ECM2: variants seen among roughly 807,000 people sequenced by gnomAD.
ECM2 encodes extracellular matrix protein 2.
A neutral mutation model predicts 67.5 loss-of-function variants in ECM2; 57 were observed. The ratio of observed to expected loss-of-function variants is 0.84; its 90% CI spans 0.68 to 1.05. The LOEUF (loss-of-function observed/expected upper bound fraction) is 1.05, where lower values mean the gene tolerates loss of function less well. Ranked by LOEUF, ECM2 falls within the 50% of genes least tolerant of loss-of-function variation. The pLI, the probability that ECM2 is intolerant of heterozygous loss-of-function variation, is 0.00. For synonymous variants in ECM2, 258 were observed against 294.5 expected, an observed-to-expected ratio of 0.88 and a Z score of 1.27; for missense variants, 741 against 822.8, an observed-to-expected ratio of 0.90 and a Z score of 1.22.
intron 4 of ECM2, among the ~76,000 whole-genome samples, 195 bp downstream of exon 4, chr9:92,514,436 G>A (rs1464691950): frequency 4.0e-5 from 6 of 151,798 alleles, no homozygotes; most frequent in African/African-American, 4.8e-5. Flanking sequence ...CACCACGCCC[G>A]GCTAATTTTT....
chr9:92,505,818 T>C (rs1204097527), intron 6 of ECM2, 128 bp from the exon 7 acceptor site: 1 of 706,504 alleles, frequency 1.4e-6, no homozygotes, highest in East Asian at 2.8e-5. Context: ...TTTAAACCTT[T>C]GTATCCTCCT....
Position 92,500,632 on chromosome 9 carries a change from C to G in ECM2, c.1931+95G>C, listed in dbSNP as rs547635851. The G allele has an allele frequency of 2.4e-5, 31 of 1,300,788 alleles. No homozygotes were observed. The South Asian group carries it at 4.4e-4, about 18-fold the overall frequency. 80.6% of individuals were successfully genotyped at this position (1,300,788 alleles called of 1,614,324 possible). A position where few individuals can be genotyped will look rare whatever the true frequency, so the allele number is the denominator to read the frequency against. On this transcript the variant is annotated intron_variant, in intron 9 of 9. Coordinates refer to ENST00000344604, the MANE Select transcript of ECM2 (RefSeq NM_001393.4). ...AACCCCTTAGCACCATTTTTTTTTCCCTTAACGTAAATCCCAGAGATCATG... is the reference window on the plus strand; with the variant it reads ...AACCCCTTAGCACCATTTTTTTTTCGCTTAACGTAAATCCCAGAGATCATG...
At chr9:92,493,915 T>C, downstream of ECM2, 1 of 486,780 alleles carries the variant, frequency 2.1e-6, no homozygotes. Flanking sequence ...ACAGTGCGTC[T>C]GCTCCACAGG....
intron 4 of ECM2, among the ~76,000 whole-genome samples, chr9:92,513,671 G>A (rs1026588840): frequency 6.6e-6 from 1 of 152,224 alleles, no homozygotes; most frequent in Non-Finnish European, 1.5e-5. Flanking sequence ...TTAGAAGCCA[G>A]TCTGAAAGGG....
chr9:92,549,982 T>TGAAGTCGCAGGTAACTAAAACA, the ECM2 span, among the ~76,000 whole-genome samples: 1 of 152,178 alleles, frequency 6.6e-6, no homozygotes, highest in African/African-American at 2.4e-5. Flanking sequence ...AGCCTTCCCT[T>TGAAGTCGCAGGTAACTAAAACA]GAAGTCGCAG....
chr9:92,502,535 G>A lies in ECM2; in HGVS notation c.1582C>T (p.Pro528Ser). 2.5e-6 allele frequency: 4 copies of A among 1,612,788 alleles called. No homozygotes were observed. The highest frequency in any genetic ancestry group is 2.5e-6 in the Non-Finnish European group (3 of 1,179,506). The change falls in exon 8 of 10, where the codon CCT becomes TCT. Residue 528 changes from proline (P) to serine (S), a missense_variant. Pro to Ser is a moderately conservative substitution (Grantham distance 74). Coordinates refer to ENST00000344604, the MANE Select transcript of ECM2 (RefSeq NM_001393.4). ...YNKIEENRIA[P>S]LAWINQENLE... is the part of the protein sequence containing the mutation. ...TACTCTTGATTTATCCAGGCTAAAG[G>A]AGCAATCCTATTTTCTTCAATTTTG... is the stretch of plus-strand genomic sequence containing the variant.
At chr9:92,553,471 C>T in the ECM2 span, among the ~76,000 whole-genome samples, 2 of 151,982 alleles carry the variant, frequency 1.3e-5, no homozygotes, top group African/African-American at 4.8e-5. Context: ...GTGGGGATTG[C>T]GTTGAATTTG....
intron 2 of ECM2, 41 bp from the exon 3 acceptor site, chr9:92,517,916 A>G: frequency 6.2e-7 from 1 of 1,609,874 alleles, no homozygotes; most frequent in Non-Finnish European, 8.5e-7. Context: ...TTCTTATGTG[A>G]TTATCAGTAA....
chr9:92,555,003 TTTGTTG>T, the ECM2 span, among the ~76,000 whole-genome samples: 1,551 of 149,814 alleles, frequency 0.01, 9 homozygotes, highest in East Asian at 0.021. Flanking sequence ...GTCTGTATTG[TTTGTTG>T]TTGTTGTTGT....
chr9:92,547,667 T>C, the ECM2 span, among the ~76,000 whole-genome samples: 3 of 152,198 alleles, frequency 2.0e-5, no homozygotes, highest in Non-Finnish European at 4.4e-5. Flanking sequence ...GGTAAGAAGA[T>C]AGGGAATGAC....
At chr9:92,518,963 G>T (rs1008174300) in intron 2 of ECM2, among the ~76,000 whole-genome samples, 15 of 152,160 alleles carry the variant, frequency 9.9e-5, no homozygotes, top group Non-Finnish European at 1.6e-4. Flanking sequence ...TTGTAGATAT[G>T]TGGATAAGTG....
the ECM2 span, among the ~76,000 whole-genome samples, chr9:92,558,945 C>G: frequency 2.0e-5 from 3 of 152,026 alleles, no homozygotes; most frequent in Non-Finnish European, 4.4e-5. Flanking sequence ...TCACCCAGTT[C>G]CCACGCAAAC....
chr9:92,496,181 T>C lies in ECM2; in HGVS notation c.*134A>G. Reference sequence around the variant, plus strand: ...GGTATATTTTGGTTGTTCATCTGTGTGTTAGTGAATCAGGTTGACTAGCAT... The same window carrying C: ...GGTATATTTTGGTTGTTCATCTGTGCGTTAGTGAATCAGGTTGACTAGCAT... On this transcript the variant is annotated 3_prime_UTR_variant, in exon 10 of 10. Coordinates refer to ENST00000344604, the MANE Select transcript of ECM2 (RefSeq NM_001393.4). 1 of 1,391,910 alleles carries C rather than the reference T, an allele frequency of 7.2e-7. No individual in the cohort carries two copies. Among genetic ancestry groups the C allele is most frequent in the South Asian group, 1.7e-5 (1 of 57,932 alleles). 86.2% of individuals were successfully genotyped at this position (1,391,910 alleles called of 1,614,324 possible). A position where few individuals can be genotyped will look rare whatever the true frequency, so the allele number is the denominator to read the frequency against.
intron 6 of ECM2, among the ~76,000 whole-genome samples, chr9:92,508,023 C>G (rs1195248841): frequency 2.6e-5 from 4 of 152,188 alleles, no homozygotes; most frequent in African/African-American, 9.6e-5. Context: ...CTCCTTCCCC[C>G]TCTCTGGAGC....
Position 92,515,050 on chromosome 9 carries a change from T to A in ECM2, c.635A>T (p.Gln212Leu). The change falls in exon 4 of 10, where the codon CAA (glutamine) becomes CTA (leucine). Residue 212 changes from glutamine to leucine, a missense_variant. Physicochemically the swap from Gln to Leu is moderately radical, Grantham distance 113 (BLOSUM62 -2). Coordinates refer to ENST00000344604, the MANE Select transcript of ECM2 (RefSeq NM_001393.4). ...MDRIVRKEALQSEEDEEVKEE... is the reference protein window; with the variant it reads ...MDRIVRKEALLSEEDEEVKEE... ...TTTCACTTCTTCATCCTCCTCAGAT[T>A]GAAGTGCTTCTTTTCTTACTATTCG... 1.2e-6 allele frequency: 2 copies of A among 1,614,162 alleles called. No homozygotes were observed. Among genetic ancestry groups the A allele is most frequent in the Non-Finnish European group, 8.5e-7 (1 of 1,180,028 alleles).
the ECM2 span, among the ~76,000 whole-genome samples, chr9:92,557,817 A>G: frequency 6.6e-6 from 1 of 151,652 alleles, no homozygotes; most frequent in Non-Finnish European, 1.5e-5. Flanking sequence ...TAATTTTTGT[A>G]TTTTTTTAGT....
chr9:92,500,830 G>T lies in ECM2; in HGVS notation c.1828C>A (p.Leu610Met). Residue 610 changes from leucine to methionine, a missense_variant, in exon 9 of 10, where the codon CTG (leucine) becomes ATG (methionine). Leu to Met is a conservative substitution (Grantham distance 15). Coordinates refer to ENST00000344604, the MANE Select transcript of ECM2 (RefSeq NM_001393.4). ...TTGTGATCCAGAAATAATTCTCTCA[G>T]AGAATGATATGCCCCATAGAAGGAG... ...RVSFYGAYHS[L>M]RELFLDHNDL... The T allele has an allele frequency of 6.2e-7, 1 of 1,614,150 alleles. No homozygotes were observed. The highest frequency in any genetic ancestry group is 1.1e-5 in the South Asian group (1 of 91,078).
At position 92,515,094 on chromosome 9, in the gene ECM2, A is replaced by AGGT; in HGVS notation, c.588_590dup (p.Pro198dup). 1 of 1,614,034 alleles carries AGGT rather than the reference A, an allele frequency of 6.2e-7. No individual in the cohort carries two copies. Among genetic ancestry groups the AGGT allele is most frequent in the Non-Finnish European group, 8.5e-7 (1 of 1,180,014 alleles). ...CTATTCGGTCCATTCCCACCTGAGGAGGTGGCAGTTGCTTATGAAGTAAAT... is the reference window on the plus strand; with the variant it reads ...CTATTCGGTCCATTCCCACCTGAGGAGGTGGTGGCAGTTGCTTATGAAGTAAAT... On this transcript the variant is annotated inframe_insertion, in exon 4 of 10. Transcript: ENST00000344604.
downstream of ECM2, chr9:92,495,260 C>T (rs887386363): frequency 6.6e-6 from 5 of 758,712 alleles, no homozygotes; most frequent in Admixed American, 6.3e-5. Flanking sequence ...AAGAAGTCAA[C>T]ATAGTTTCTA....
Sources: gnomAD v4.1 joint callset for allele counts (sites outside exome capture counted in the v4.1 genomes callset) on GRCh38, gnomAD v4.1.1 for gene constraint, MANE v1.5 for transcripts, NCBI Gene and HGNC (gene_info 2026-07-23, HGNC 2026-07-21) for gene names.